AFF1: variants seen among roughly 807,000 people sequenced by gnomAD.
The protein encoded by AFF1 is AF4/FMR2 family member 1.
AFF1 carries 48 observed loss-of-function variants against 121.7 expected under a neutral mutation model. The ratio of observed to expected loss-of-function variants is 0.39; its 90% CI spans 0.31 to 0.50. The LOEUF is 0.50. AFF1 is among the 20% of genes least tolerant of loss of function. The probability of loss-of-function intolerance (pLI) is 0.76; values close to 1 mark genes in which losing one functional copy is unlikely to be tolerated. For missense variants in AFF1, 1,523 were observed against 1,511.7 expected, an observed-to-expected ratio of 1.01 and a Z score of -0.12; for synonymous variants, 613 against 563.0, an observed-to-expected ratio of 1.09 and a Z score of -1.26.
At chr4:87,127,535 CTCCTCCCCTTGCTG>C (rs1299539658) in intron 15 of AFF1, 94 bp from the exon 16 acceptor site, 20 of 975,406 alleles carry the variant, frequency 2.1e-5, no homozygotes, top group Middle Eastern at 4.2e-4. Flanking sequence ...TTTACCCTCT[CTCCTCCCCTTGCTG>C]TCCTCCCATC....
intron 2 of AFF1, among the ~76,000 whole-genome samples, chr4:87,036,401 A>AC (rs914368392): frequency 3.6e-4 from 54 of 151,962 alleles, no homozygotes; most frequent in African/African-American, 1.3e-3. Flanking sequence ...GTGAGAAGTG[A>AC]TTTTTTTTCA....
At chr4:86,987,299 CTTTA>C (rs1578904927) in intron 2 of AFF1, among the ~76,000 whole-genome samples, 1 of 152,132 alleles carries the variant, frequency 6.6e-6, no homozygotes, top group Admixed American at 6.5e-5. Context: ...GTGGATAAGA[CTTTA>C]TTTAATGCGT....
At chr4:87,106,932 G>A (rs1429265634) in intron 10 of AFF1, among the ~76,000 whole-genome samples, 2 of 152,194 alleles carry the variant, frequency 1.3e-5, no homozygotes, top group South Asian at 2.1e-4. Flanking sequence ...GTAATTTCTG[G>A]TGGGTTATGA....
At chr4:87,071,615 T>A (rs1205527124) in intron 4 of AFF1, among the ~76,000 whole-genome samples, 1 of 152,240 alleles carries the variant, frequency 6.6e-6, no homozygotes, top group Non-Finnish European at 1.5e-5. Flanking sequence ...TCCCATGGGC[T>A]GTGTGCCAGG....
At chr4:87,041,203 G>C (rs74563653) in intron 2 of AFF1, among the ~76,000 whole-genome samples, 6,430 of 152,112 alleles carry the variant, frequency 0.042, 434 homozygotes, top group African/African-American at 0.15. Flanking sequence ...GCTAGCTTTC[G>C]TTCAGTTGGA....
rs1168656145 is a variant in AFF1, at chr4:87,137,597, C to T, written c.*1896C>T. On this transcript the variant is annotated 3_prime_UTR_variant, in exon 21 of 21. Transcript: ENST00000395146. ...ATGTGTGATTCCTGATGACCGGTTT[C>T]ATTTATTCATGTTATAAAGCAAAGC... 4.3e-6 allele frequency: 1 copy of T among 231,128 alleles called. No homozygotes were observed. The highest frequency in any genetic ancestry group is 2.2e-5 in the African/African-American group (1 of 45,210). The allele number at this position is 231,128 out of a possible 1,614,324, so 14.3% of individuals were successfully genotyped here. A position where few individuals can be genotyped will look rare whatever the true frequency, so the allele number is the denominator to read the frequency against.
At chr4:87,099,574 A>G (rs1725213774) in intron 8 of AFF1, among the ~76,000 whole-genome samples, 1 of 152,048 alleles carries the variant, frequency 6.6e-6, no homozygotes, top group South Asian at 2.1e-4. Flanking sequence ...ATACCTGGCT[A>G]ATTTTTGTAT....
chr4:86,945,432 C>G (rs899775377), intron 1 of AFF1, among the ~76,000 whole-genome samples: 3 of 150,370 alleles, frequency 2.0e-5, no homozygotes, highest in Non-Finnish European at 4.4e-5. Context: ...TCAAGCTACC[C>G]TCTCACCTTA....
At chr4:87,003,405 A>G (rs1725871200) in intron 2 of AFF1, among the ~76,000 whole-genome samples, 1 of 152,156 alleles carries the variant, frequency 6.6e-6, no homozygotes, top group Non-Finnish European at 1.5e-5. Flanking sequence ...CTAGAACTAT[A>G]TATCCAGCTA....
At chr4:87,027,326 G>T (rs1728620886) in intron 2 of AFF1, among the ~76,000 whole-genome samples, 1 of 152,236 alleles carries the variant, frequency 6.6e-6, no homozygotes, top group Non-Finnish European at 1.5e-5. Flanking sequence ...TGGCGTGCAT[G>T]CACGGATACA....
intron 10 of AFF1, 149 bp downstream of exon 10, chr4:87,105,994 T>G: frequency 9.6e-7 from 1 of 1,039,826 alleles, no homozygotes; most frequent in Non-Finnish European, 1.4e-6. Flanking sequence ...GTTTAATATT[T>G]TGGAAGCTTA....
At chr4:87,121,392 T>C (rs1727674431) in intron 12 of AFF1, among the ~76,000 whole-genome samples, 1 of 152,222 alleles carries the variant, frequency 6.6e-6, no homozygotes, top group African/African-American at 2.4e-5. Flanking sequence ...ATGGCTCCCA[T>C]GTTAATGACC....
At chr4:87,103,421 A>G (rs1055208166) in intron 8 of AFF1, among the ~76,000 whole-genome samples, 2 of 152,228 alleles carry the variant, frequency 1.3e-5, no homozygotes, top group East Asian at 1.9e-4. Flanking sequence ...ATAAATCCCA[A>G]TACATCCCAA....
intron 6 of AFF1, among the ~76,000 whole-genome samples, chr4:87,090,671 A>G (rs891661196): frequency 6.6e-6 from 1 of 152,154 alleles, no homozygotes; most frequent in Non-Finnish European, 1.5e-5. Flanking sequence ...TACATAATAC[A>G]TATATTGAGA....
At chr4:87,042,028 A>T (rs922996380) in intron 2 of AFF1, among the ~76,000 whole-genome samples, 1 of 151,204 alleles carries the variant, frequency 6.6e-6, no homozygotes, top group Non-Finnish European at 1.5e-5. Context: ...AAAAAAAAAA[A>T]GTTGCTACAG....
At chr4:87,084,957 C>T (rs1723571636) in intron 5 of AFF1, among the ~76,000 whole-genome samples, 1 of 152,208 alleles carries the variant, frequency 6.6e-6, no homozygotes, top group Non-Finnish European at 1.5e-5. Context: ...TGGCCTCATA[C>T]ATACAGCCTT....
intron 13 of AFF1, among the ~76,000 whole-genome samples, chr4:87,125,669 A>G (rs1728162035): frequency 6.6e-6 from 1 of 152,160 alleles, no homozygotes; most frequent in South Asian, 2.1e-4. Flanking sequence ...AGCAGCTATT[A>G]TTTACTGTGA....
At chr4:86,937,676 G>T (rs1257148015) in intron 1 of AFF1, among the ~76,000 whole-genome samples, 1 of 151,946 alleles carries the variant, frequency 6.6e-6, no homozygotes, top group East Asian at 1.9e-4. Context: ...CCAACTCCTG[G>T]GCTCATGGGA....
chr4:87,113,473 G>A, intron 11 of AFF1, among the ~76,000 whole-genome samples: 1 of 152,040 alleles, frequency 6.6e-6, no homozygotes, highest in Non-Finnish European at 1.5e-5. Context: ...GTATTGCTAT[G>A]TTGCCCAGGC....
Sources: allele counts gnomAD v4.1 joint callset (sites outside exome capture counted in the v4.1 genomes callset), GRCh38; gene constraint gnomAD v4.1.1; transcripts MANE v1.5; gene names NCBI Gene and HGNC (gene_info 2026-07-23, HGNC 2026-07-21).